The following CTTNBP2NL variants were observed in gnomAD, a reference collection of about 807,000 sequenced individuals.
The protein encoded by CTTNBP2NL is CTTNBP2 N-terminal-like protein.
CTTNBP2NL carries 16 observed loss-of-function variants against 32.5 expected under a neutral mutation model. That is an observed-to-expected ratio of 0.49 (90% CI 0.33 to 0.75). The LOEUF is 0.75. Among genes scored for constraint, CTTNBP2NL ranks in the 30% least tolerant of loss-of-function variants. The pLI is 0.02. For synonymous variants in CTTNBP2NL, 298 were observed against 289.4 expected (o/e 1.03, Z -0.30); for missense variants, 645 against 756.0 (o/e 0.85, Z 1.72).
intron 3 of CTTNBP2NL, among the ~76,000 whole-genome samples, chr1:112,422,823 C>G (rs1297539178): frequency 6.6e-6 from 1 of 152,050 alleles, no homozygotes; most frequent in Admixed American, 6.6e-5. Context: ...GATGGGATCT[C>G]ACTTTGTTGC....
At chr1:112,441,503 A>G (rs970248392) in intron 3 of CTTNBP2NL, among the ~76,000 whole-genome samples, 1 of 152,232 alleles carries the variant, frequency 6.6e-6, no homozygotes, top group Non-Finnish European at 1.5e-5. Context: ...AAGCTGCTAT[A>G]GCAGCTTTAT....
intron 3 of CTTNBP2NL, among the ~76,000 whole-genome samples, chr1:112,431,676 G>C (rs1649570860): frequency 6.6e-6 from 1 of 152,084 alleles, no homozygotes; most frequent in Admixed American, 6.6e-5. Flanking sequence ...GCATAAACTG[G>C]TGCATCCTTA....
intron 4 of CTTNBP2NL, among the ~76,000 whole-genome samples, chr1:112,452,645 C>CTTTTTT (rs34842059): frequency 1.5e-5 from 2 of 133,096 alleles, no homozygotes; most frequent in African/African-American, 6.2e-5. Flanking sequence ...CTCCTGGCCT[C>CTTTTTT]TTTTTTTTTT....
chr1:112,450,600 T>C (rs546831144), intron 4 of CTTNBP2NL, among the ~76,000 whole-genome samples: 39 of 152,290 alleles, frequency 2.6e-4, no homozygotes, highest in African/African-American at 8.7e-4. Context: ...TTGAAGCTAG[T>C]TGGGCTAGCT....
At chr1:112,425,327 C>A (rs940150850) in intron 3 of CTTNBP2NL, among the ~76,000 whole-genome samples, 1 of 151,436 alleles carries the variant, frequency 6.6e-6, no homozygotes, top group Non-Finnish European at 1.5e-5. Flanking sequence ...AAAAATTAGC[C>A]GGGCGAGGTG....
intron 1 of CTTNBP2NL, among the ~76,000 whole-genome samples, chr1:112,404,375 G>C (rs1169637690): frequency 6.6e-6 from 1 of 152,166 alleles, no homozygotes; most frequent in Non-Finnish European, 1.5e-5. Flanking sequence ...TTGCAGTTCA[G>C]ATAAAGTCAG....
chr1:112,434,545 A>T (rs1188686227), intron 3 of CTTNBP2NL, among the ~76,000 whole-genome samples: 1 of 152,044 alleles, frequency 6.6e-6, no homozygotes, highest in Admixed American at 6.5e-5. Context: ...ACACTCTGCT[A>T]CTCATCTTAT....
rs1650480226 is a variant in CTTNBP2NL at position 112,459,452 on chromosome 1, T to C, written c.*2040T>C. 1 of 152,214 alleles carries C rather than the reference T, an allele frequency of 6.6e-6. No homozygotes were observed. Among genetic ancestry groups the C allele is most frequent in the East Asian group, 1.9e-4 (1 of 5,196 alleles). 9.4% of individuals were successfully genotyped at this position (152,214 alleles called of 1,614,324 possible). On this transcript the variant is annotated 3_prime_UTR_variant, in exon 6 of 6. Coordinates refer to ENST00000271277, the MANE Select transcript of CTTNBP2NL (RefSeq NM_018704.3). ...CCTGCTATAATTTAAGTCTATTTCCTTTTAATCTAATAAGAGTTGATAGTA... is the reference window on the plus strand; with the variant it reads ...CCTGCTATAATTTAAGTCTATTTCCCTTTAATCTAATAAGAGTTGATAGTA...
At chr1:112,412,924 G>A (rs376170809) in intron 2 of CTTNBP2NL, among the ~76,000 whole-genome samples, 42 of 152,116 alleles carry the variant, frequency 2.8e-4, no homozygotes, top group African/African-American at 9.2e-4. Flanking sequence ...ATGCCTAGCC[G>A]AGTTGGGACA....
intron 1 of CTTNBP2NL, among the ~76,000 whole-genome samples, chr1:112,401,378 A>G (rs1379238760): frequency 6.6e-6 from 1 of 152,162 alleles, no homozygotes; most frequent in African/African-American, 2.4e-5. Flanking sequence ...GTCCAAGGAA[A>G]AAAGAAAGGC....
At chr1:112,427,976 G>C (rs1026542925) in intron 3 of CTTNBP2NL, among the ~76,000 whole-genome samples, 5 of 151,420 alleles carry the variant, frequency 3.3e-5, no homozygotes, top group African/African-American at 9.7e-5. Flanking sequence ...ACATTATGAA[G>C]CCATTTTAAA....
Position 112,441,899 on chromosome 1 carries a change from T to A in CTTNBP2NL, c.100-7043T>A, listed in dbSNP as rs1337624856. On this transcript the variant is annotated intron_variant, in intron 3 of 5. Transcript: ENST00000271277. ...ATGGTATAAGGTATGCATCTTCCCA[T>A]TGTATTTTCAGAAATGTACGGTCTC... Among the ~76,000 whole-genome samples, 4 of 152,328 alleles carry A rather than the reference T, an allele frequency of 2.6e-5. No individual in the cohort carries two copies. In the East Asian group the frequency reaches 7.7e-4, roughly 29 times the overall value.
chr1:112,440,945 G>T (rs987686125), intron 3 of CTTNBP2NL, among the ~76,000 whole-genome samples: 2 of 152,026 alleles, frequency 1.3e-5, no homozygotes, highest in Admixed American at 1.3e-4. Flanking sequence ...ACTTTGATTT[G>T]ACCTTCCTAT....
intron 3 of CTTNBP2NL, among the ~76,000 whole-genome samples, chr1:112,417,145 T>C (rs1463655944): frequency 6.6e-6 from 1 of 152,182 alleles, no homozygotes; most frequent in East Asian, 1.9e-4. Context: ...GTTTTCTCTT[T>C]TATAGTTTTA....
intron 1 of CTTNBP2NL, among the ~76,000 whole-genome samples, chr1:112,409,739 G>A (rs1179295123): frequency 2.6e-5 from 4 of 152,166 alleles, no homozygotes; most frequent in African/African-American, 9.7e-5. Context: ...ATAGAATTAA[G>A]TCAGAATTCC....
At position 112,456,876 on chromosome 1, in the gene CTTNBP2NL, G is replaced by A; in HGVS notation, c.1384G>A (p.Ala462Thr). Reference sequence around the variant, plus strand: ...AGGGATCAACCAACGGTTCCATGCAGCTCGCCACAAATTTCAGTCCCAAGC... The same window carrying A: ...AGGGATCAACCAACGGTTCCATGCAACTCGCCACAAATTTCAGTCCCAAGC... ...QVGINQRFHA[A>T]RHKFQSQADQ... The change falls in exon 6 of 6, where the codon GCT (alanine) becomes ACT (threonine). Residue 462 changes from alanine to threonine, a missense_variant. Ala to Thr is a moderately conservative substitution (Grantham distance 58). Coordinates refer to ENST00000271277, the MANE Select transcript of CTTNBP2NL (RefSeq NM_018704.3). The A allele has an allele frequency of 1.2e-6, 2 of 1,614,120 alleles. No homozygotes were observed. Among genetic ancestry groups the A allele is most frequent in the Non-Finnish European group, 1.7e-6 (2 of 1,180,052 alleles).
rs575748753 is a variant in CTTNBP2NL at position 112,407,830 on chromosome 1, T to C, written c.-133-4364T>C. 2.8e-3 allele frequency among the ~76,000 whole-genome samples: 403 copies of C among 144,786 alleles called. 2 individuals carry two copies. Among genetic ancestry groups the C allele is most frequent in the African/African-American group, 9.6e-3 (371 of 38,626 alleles). The allele number at this position is 144,786 out of a possible 152,430, so 95.0% of individuals were successfully genotyped here. A position where few individuals can be genotyped will look rare whatever the true frequency, so the allele number is the denominator to read the frequency against. On this transcript the variant is annotated intron_variant, in intron 1 of 5. Coordinates refer to ENST00000271277, the MANE Select transcript of CTTNBP2NL (RefSeq NM_018704.3). ...GTAAATAGTAACAAAAACGGCTTTC[T>C]TTTTTCTTTCTTTTTTTTTTTTTTT...
intron 3 of CTTNBP2NL, among the ~76,000 whole-genome samples, chr1:112,445,581 G>A (rs754952155): frequency 3.2e-4 from 48 of 152,150 alleles, no homozygotes; most frequent in Admixed American, 1.4e-3. Context: ...ATCGCTCTCT[G>A]ACAAGGAGTC....
rs768603831 is a variant in CTTNBP2NL at position 112,456,784 on chromosome 1, C to T, written c.1292C>T (p.Pro431Leu). ...CTAACATCCTCTCCTTGCTCTTCGC[C>T]GGTACTCACTAAGCGTTTATTGGGG... ...SSLTSSPCSS[P>L]VLTKRLLGSS... is the part of the protein sequence containing the mutation. Residue 431 changes from proline to leucine, a missense_variant, in exon 6 of 6, where the codon CCG becomes CTG. By Grantham distance (98) the Pro-to-Leu change is moderately conservative (BLOSUM62 -3). Coordinates refer to ENST00000271277, the MANE Select transcript of CTTNBP2NL (RefSeq NM_018704.3). 5.0e-6 allele frequency: 8 copies of T among 1,614,082 alleles called. No individual in the cohort carries two copies. Among genetic ancestry groups the T allele is most frequent in the South Asian group, 2.2e-5 (2 of 91,076 alleles).
Sources: gnomAD v4.1 joint callset for allele counts (sites outside exome capture counted in the v4.1 genomes callset) on GRCh38, gnomAD v4.1.1 for gene constraint, MANE v1.5 for transcripts, NCBI Gene and HGNC (gene_info 2026-07-23, HGNC 2026-07-21) for gene names.